ATXN7L1: variants seen among roughly 807,000 people sequenced by gnomAD.
ATXN7L1 encodes ataxin-7-like protein 1.
ATXN7L1 carries 15 observed loss-of-function variants against 70.8 expected under a neutral mutation model. That is an observed-to-expected ratio of 0.21 (90% CI 0.14 to 0.33). The LOEUF is 0.33. Ranked by LOEUF, ATXN7L1 falls within the 10% of genes least tolerant of loss-of-function variation. The pLI is 1.00. For synonymous variants in ATXN7L1, 440 were observed against 445.1 expected (o/e 0.99, Z 0.14); for missense variants, 975 against 1,097.1 (o/e 0.89, Z 1.57).
rs1187191187 is a variant in ATXN7L1, at chr7:105,605,483, G to A, written c.*2369C>T. The A allele has an allele frequency of 4.2e-5, 4 of 96,060 alleles. No homozygotes were observed. Among genetic ancestry groups the A allele is most frequent in the Admixed American group, 2.4e-4 (2 of 8,188 alleles). The allele number at this position is 96,060 out of a possible 1,614,324, so 6.0% of individuals were successfully genotyped here. On this transcript the variant is annotated 3_prime_UTR_variant, in exon 12 of 12. Transcript: ENST00000419735. Reference sequence around the variant, plus strand: ...GCAGCATTCGATGAGGGTGGGGGGGGGGGTGGGGGCTCTTTATTCCAGCTT... The same window carrying A: ...GCAGCATTCGATGAGGGTGGGGGGGAGGGTGGGGGCTCTTTATTCCAGCTT...
intron 2 of ATXN7L1, among the ~76,000 whole-genome samples, chr7:105,815,718 GAA>G (rs1809084659): frequency 6.6e-6 from 1 of 152,194 alleles, no homozygotes. Flanking sequence ...ATAGGTCCAA[GAA>G]AAACAGGGAT....
intron 3 of ATXN7L1, among the ~76,000 whole-genome samples, chr7:105,748,847 A>G (rs1439619874): frequency 6.6e-6 from 1 of 152,236 alleles, no homozygotes; most frequent in African/African-American, 2.4e-5. Flanking sequence ...ATGAGGCAGC[A>G]GGGCACACTA....
chr7:105,729,689 C>T (rs1796311171), intron 3 of ATXN7L1, among the ~76,000 whole-genome samples: 1 of 151,570 alleles, frequency 6.6e-6, no homozygotes, highest in African/African-American at 2.4e-5. Context: ...CTTGGCCTCC[C>T]AGAGTGTGGG....
chr7:105,836,901 T>C (rs1252394761), intron 2 of ATXN7L1, among the ~76,000 whole-genome samples: 7 of 151,930 alleles, frequency 4.6e-5, no homozygotes, highest in Non-Finnish European at 1.0e-4. Context: ...CTACTAAAAA[T>C]ACAAAAATTA....
At chr7:105,805,401 A>G (rs1453830519) in intron 2 of ATXN7L1, among the ~76,000 whole-genome samples, 2 of 152,216 alleles carry the variant, frequency 1.3e-5, no homozygotes, top group Admixed American at 6.5e-5. Context: ...CACTTGTGCC[A>G]GTGGGGAACC....
At chr7:105,871,906 G>A (rs1818323767) in intron 2 of ATXN7L1, among the ~76,000 whole-genome samples, 1 of 152,070 alleles carries the variant, frequency 6.6e-6, no homozygotes, top group Non-Finnish European at 1.5e-5. Context: ...ATGGGGAACT[G>A]TATTACAGTA....
chr7:105,854,378 G>A (rs1301097089), intron 2 of ATXN7L1, among the ~76,000 whole-genome samples: 1 of 151,430 alleles, frequency 6.6e-6, no homozygotes, highest in Non-Finnish European at 1.5e-5. Flanking sequence ...TCTGGAGGCT[G>A]CTGAGCGTCT....
intron 2 of ATXN7L1, among the ~76,000 whole-genome samples, chr7:105,831,569 C>G (rs1242028034): frequency 6.6e-6 from 1 of 152,274 alleles, no homozygotes; most frequent in Non-Finnish European, 1.5e-5. Flanking sequence ...ATGTCTATCT[C>G]TACTCTCTCC....
At chr7:105,711,210 C>A (rs1188089464) in intron 3 of ATXN7L1, among the ~76,000 whole-genome samples, 1 of 152,110 alleles carries the variant, frequency 6.6e-6, no homozygotes, top group Non-Finnish European at 1.5e-5. Flanking sequence ...TCCCACTAGG[C>A]CCCTCCTCCA....
chr7:105,850,137 T>C (rs550911719), intron 2 of ATXN7L1, among the ~76,000 whole-genome samples: 15 of 152,346 alleles, frequency 9.8e-5, no homozygotes, highest in Middle Eastern at 3.4e-3. Context: ...TTAGAGTTGA[T>C]GAAATATAAT....
intron 3 of ATXN7L1, among the ~76,000 whole-genome samples, chr7:105,670,933 T>C (rs1166318128): frequency 4.0e-5 from 6 of 151,792 alleles, no homozygotes; most frequent in Non-Finnish European, 7.4e-5. Context: ...GGTGAAACCC[T>C]GTCTCTACTA....
At chr7:105,869,434 T>G (rs1018992234) in intron 2 of ATXN7L1, among the ~76,000 whole-genome samples, 1 of 152,238 alleles carries the variant, frequency 6.6e-6, no homozygotes, top group Non-Finnish European at 1.5e-5. Flanking sequence ...TAAATCTCCA[T>G]GGCCTGCTGC....
At chr7:105,768,457 A>G (rs944483283) in intron 3 of ATXN7L1, among the ~76,000 whole-genome samples, 2 of 149,792 alleles carry the variant, frequency 1.3e-5, no homozygotes, top group African/African-American at 4.9e-5. Flanking sequence ...AACAGGATCA[A>G]GTTGTATCTG....
intron 3 of ATXN7L1, among the ~76,000 whole-genome samples, chr7:105,692,621 A>G (rs1194998835): frequency 6.6e-6 from 1 of 151,760 alleles, no homozygotes; most frequent in East Asian, 1.9e-4. Flanking sequence ...TAGTTTTTGT[A>G]TTTTTGGTAG....
intron 3 of ATXN7L1, among the ~76,000 whole-genome samples, chr7:105,685,085 T>TAATAATAAA (rs1046731402): frequency 4.9e-5 from 7 of 144,188 alleles, no homozygotes; most frequent in Non-Finnish European, 1.1e-4. Flanking sequence ...ATAATAATAA[T>TAATAATAAA]AAATGGTTTT....
intron 3 of ATXN7L1, among the ~76,000 whole-genome samples, chr7:105,781,935 G>A (rs915281012): frequency 1.3e-5 from 2 of 152,122 alleles, no homozygotes; most frequent in Non-Finnish European, 2.9e-5. Context: ...CACCTCCCAG[G>A]CTCAAGCAAT....
At chr7:105,726,084 T>C (rs1249631475) in intron 3 of ATXN7L1, among the ~76,000 whole-genome samples, 4 of 151,880 alleles carry the variant, frequency 2.6e-5, no homozygotes, top group Admixed American at 1.3e-4. Flanking sequence ...GTATTTTTAG[T>C]AGAGATGGGG....
intron 7 of ATXN7L1, among the ~76,000 whole-genome samples, chr7:105,629,438 C>A (rs766944700): frequency 8.0e-5 from 12 of 149,474 alleles, no homozygotes; most frequent in Non-Finnish European, 1.6e-4. Flanking sequence ...GCAGGATGTC[C>A]TTCTTCTTTT....
At chr7:105,798,874 G>A (rs1309977985) in intron 2 of ATXN7L1, among the ~76,000 whole-genome samples, 1 of 152,218 alleles carries the variant, frequency 6.6e-6, no homozygotes, top group African/African-American at 2.4e-5. Context: ...GAAATGGGGT[G>A]GATGATCAGT....
Sources: gnomAD v4.1 joint callset for allele counts (sites outside exome capture counted in the v4.1 genomes callset) on GRCh38, gnomAD v4.1.1 for gene constraint, MANE v1.5 for transcripts, NCBI Gene and HGNC (gene_info 2026-07-23, HGNC 2026-07-21) for gene names.